IQCM: variants seen among roughly 807,000 people sequenced by gnomAD.
IQCM encodes the protein IQ motif containing M.
A neutral mutation model predicts 57.6 loss-of-function variants in IQCM; 45 were observed. That is an observed-to-expected ratio of 0.78 (90% CI 0.62 to 1.00). IQCM has a LOEUF of 1.00. Ranked by LOEUF, IQCM falls within the 50% of genes least tolerant of loss-of-function variation. IQCM has a pLI of 0.00. For missense variants in IQCM, 468 were observed against 511.6 expected (o/e 0.91, Z 0.82); for synonymous variants, 148 against 158.9 (o/e 0.93, Z 0.51).
intron 12 of IQCM, among the ~76,000 whole-genome samples, chr4:149,514,961 A>T (rs749772748): frequency 6.6e-6 from 1 of 152,068 alleles, no homozygotes; most frequent in Non-Finnish European, 1.5e-5. Flanking sequence ...CAAGTTCTTC[A>T]GCTTTGGGAC....
intron 5 of IQCM, among the ~76,000 whole-genome samples, chr4:149,711,709 G>T (rs899176510): frequency 1.3e-5 from 2 of 152,080 alleles, no homozygotes; most frequent in Non-Finnish European, 2.9e-5. Flanking sequence ...TGCTTACAGA[G>T]CTACAACCAG....
chr4:149,685,501 G>C (rs184927967), intron 6 of IQCM, among the ~76,000 whole-genome samples: 4 of 151,534 alleles, frequency 2.6e-5, no homozygotes, highest in African/African-American at 7.2e-5. Context: ...AGTATTGTAT[G>C]ACACTTAAGC....
At chr4:149,359,624 G>T (rs1367125589) in intron 13 of IQCM, among the ~76,000 whole-genome samples, 2 of 152,112 alleles carry the variant, frequency 1.3e-5, no homozygotes, top group African/African-American at 4.8e-5. Context: ...CGATTTACAG[G>T]CTGGATTTTC....
chr4:149,793,728 A>C (rs985583433), intron 2 of IQCM: 1 of 152,162 alleles, frequency 6.6e-6, no homozygotes, highest in Non-Finnish European at 1.5e-5. Flanking sequence ...TATAAAATAT[A>C]AAGAGAGGGA....
intron 12 of IQCM, among the ~76,000 whole-genome samples, chr4:149,472,894 T>C (rs1476722073): frequency 1.3e-5 from 2 of 152,136 alleles, no homozygotes; most frequent in Non-Finnish European, 2.9e-5. Context: ...GTTTAAAAAA[T>C]GGTGCTGGGA....
At chr4:149,593,353 T>G (rs1357181235) in intron 8 of IQCM, among the ~76,000 whole-genome samples, 1 of 152,120 alleles carries the variant, frequency 6.6e-6, no homozygotes, top group Non-Finnish European at 1.5e-5. Flanking sequence ...AAGGAGATTT[T>G]GGGCTGAGAT....
rs376249972 is a variant in IQCM at position 149,382,584 on chromosome 4, A to AT, written c.1391-30519dup. Among the ~76,000 whole-genome samples the AT allele has an allele frequency of 8.9e-4, 132 of 148,054 alleles. 1 individual carries two copies. Among genetic ancestry groups the AT allele is most frequent in the Middle Eastern group, 3.5e-3 (1 of 284 alleles). On this transcript the variant is annotated intron_variant, in intron 13 of 13. Transcript: ENST00000636793. Reference sequence around the variant, plus strand: ...AGCAGAATAAGTACTTTCCCTGGGCATTTTTTTTTTCCTGCAGAACTTAGA... The same window carrying AT: ...AGCAGAATAAGTACTTTCCCTGGGCATTTTTTTTTTTCCTGCAGAACTTAGA...
At chr4:149,780,117 C>A (rs944259512) in intron 2 of IQCM, 1 of 152,052 alleles carries the variant, frequency 6.6e-6, no homozygotes, top group Admixed American at 6.6e-5. Flanking sequence ...GAAAAGGACA[C>A]AATTAAATAT....
intron 7 of IQCM, among the ~76,000 whole-genome samples, chr4:149,625,385 T>C (rs1365390631): frequency 6.6e-6 from 1 of 152,216 alleles, no homozygotes; most frequent in Non-Finnish European, 1.5e-5. Flanking sequence ...CCCTCACCCA[T>C]TGGAAGTGTT....
At chr4:149,777,138 G>A (rs900125977) in intron 2 of IQCM, among the ~76,000 whole-genome samples, 1 of 152,064 alleles carries the variant, frequency 6.6e-6, no homozygotes, top group African/African-American at 2.4e-5. Context: ...TTCTACCTAT[G>A]ACCACTAAGA....
chr4:149,529,974 T>A (rs1746568397), intron 12 of IQCM, among the ~76,000 whole-genome samples: 1 of 152,186 alleles, frequency 6.6e-6, no homozygotes, highest in Non-Finnish European at 1.5e-5. Flanking sequence ...CCTGCCTTGA[T>A]CCATCTGTTC....
rs535214706 is a variant in IQCM at position 149,358,483 on chromosome 4, C to T, written c.1391-6417G>A. ...TTGGTTTCAAAGAACATCTTTATTT[C>T]TTCCTTCATTTCGTTATGTACACAG... On this transcript the variant is annotated intron_variant, in intron 13 of 13. Coordinates refer to ENST00000636793, the MANE Select transcript of IQCM (RefSeq NM_001363507.2). Among the ~76,000 whole-genome samples, 3 of 152,254 alleles carry T rather than the reference C, an allele frequency of 2.0e-5. No homozygotes were observed. The East Asian group carries it at 5.8e-4, about 29-fold the overall frequency.
intron 13 of IQCM, among the ~76,000 whole-genome samples, chr4:149,353,029 A>G (rs1385000261): frequency 6.6e-6 from 1 of 152,196 alleles, no homozygotes; most frequent in African/African-American, 2.4e-5. Flanking sequence ...TATAAGAAAC[A>G]AGGCATTGTT....
chr4:149,746,984 T>G (rs1362342629), intron 2 of IQCM, among the ~76,000 whole-genome samples: 2 of 152,146 alleles, frequency 1.3e-5, no homozygotes, highest in Non-Finnish European at 2.9e-5. Context: ...CACTAGGACC[T>G]CCCTCCCAGC....
chr4:149,539,917 A>G (rs1747682709), intron 12 of IQCM, among the ~76,000 whole-genome samples: 1 of 152,124 alleles, frequency 6.6e-6, no homozygotes, highest in South Asian at 2.1e-4. Context: ...GATTAAATTG[A>G]CTAATAAGTG....
intron 12 of IQCM, among the ~76,000 whole-genome samples, chr4:149,510,252 T>C (rs1469140998): frequency 6.6e-6 from 1 of 152,172 alleles, no homozygotes; most frequent in Non-Finnish European, 1.5e-5. Context: ...GCATGGTTAC[T>C]GGTCATTCGA....
intron 10 of IQCM, among the ~76,000 whole-genome samples, chr4:149,554,916 G>A (rs1328256775): frequency 6.6e-6 from 1 of 151,310 alleles, no homozygotes; most frequent in Non-Finnish European, 1.5e-5. Context: ...AGCCAGGATG[G>A]TCTGGATCTC....
In IQCM at chr4:149,408,352, G is replaced by C. The variant is rs147991275; in HGVS notation, c.1390+25044C>G. 2.7e-3 allele frequency among the ~76,000 whole-genome samples: 414 copies of C among 152,230 alleles called. 14 individuals carry two copies. The East Asian group carries it at 0.072, about 27-fold the overall frequency. On this transcript the variant is annotated intron_variant, in intron 13 of 13. Coordinates refer to ENST00000636793, the MANE Select transcript of IQCM (RefSeq NM_001363507.2). ...AAATAATTGACGAAGCATAAATATT[G>C]ATAAGAGGCATAAGATATGTCATCC... is the stretch of plus-strand genomic sequence containing the variant.
rs561202430 is a variant in IQCM at position 149,736,002 on chromosome 4, C to G, written c.38-544G>C. ...TCCCTCTGTTGCCCAATCTGGAGTA[C>G]AGTTGCACAATTCTGGCTCTGTGCA... On this transcript the variant is annotated intron_variant, in intron 3 of 13. Transcript: ENST00000636793. Among the ~76,000 whole-genome samples the G allele has an allele frequency of 1.4e-4, 20 of 147,844 alleles. No individual in the cohort carries two copies. The South Asian group carries it at 2.3e-3, about 17-fold the overall frequency.
Sources: allele counts gnomAD v4.1 joint callset (sites outside exome capture counted in the v4.1 genomes callset), GRCh38; gene constraint gnomAD v4.1.1; transcripts MANE v1.5; gene names NCBI Gene and HGNC (gene_info 2026-07-23, HGNC 2026-07-21).